Variants in JPH3 observed in about 807,000 individuals in gnomAD.
JPH3 encodes junctophilin-3.
JPH3 carries 11 observed loss-of-function variants against 59.6 expected under a neutral mutation model. The ratio of observed to expected loss-of-function variants is 0.18; its 90% CI spans 0.12 to 0.31. The LOEUF is 0.31. JPH3 is among the 10% of genes least tolerant of loss of function. The probability of loss-of-function intolerance (pLI) is 1.00; values close to 1 mark genes in which losing one functional copy is unlikely to be tolerated. For missense variants in JPH3, 1,202 were observed against 1,105.7 expected (o/e 1.09, Z -1.24); for synonymous variants, 673 against 483.6 (o/e 1.39, Z -5.14).
At chr16:87,628,498 C>G (rs775694632) in intron 1 of JPH3, among the ~76,000 whole-genome samples, 1 of 152,212 alleles carries the variant, frequency 6.6e-6, no homozygotes, top group African/African-American at 2.4e-5. Context: ...CTCTGTTGCC[C>G]GGTGACAGTA....
At chr16:87,663,395 A>G (rs1403095185) in intron 2 of JPH3, among the ~76,000 whole-genome samples, 1 of 151,990 alleles carries the variant, frequency 6.6e-6, no homozygotes, top group Non-Finnish European at 1.5e-5. Flanking sequence ...GGCATGTGCC[A>G]CTGTGCCTGG....
intron 2 of JPH3, among the ~76,000 whole-genome samples, chr16:87,657,603 A>C (rs2032547886): frequency 6.6e-6 from 1 of 150,880 alleles, no homozygotes; most frequent in Non-Finnish European, 1.5e-5. Context: ...AACGAGAAAA[A>C]CTCATTTCTC....
intron 1 of JPH3, among the ~76,000 whole-genome samples, chr16:87,636,705 A>C (rs1258860783): frequency 6.6e-6 from 1 of 152,206 alleles, no homozygotes; most frequent in Non-Finnish European, 1.5e-5. Flanking sequence ...TGTTCCCACC[A>C]GGGGCAAAAA....
chr16:87,609,786 C>T (rs559168102), intron 1 of JPH3, among the ~76,000 whole-genome samples: 1 of 152,130 alleles, frequency 6.6e-6, no homozygotes, highest in South Asian at 2.1e-4. Flanking sequence ...ACCAATGGTC[C>T]CCAACCTTTT....
intron 1 of JPH3, among the ~76,000 whole-genome samples, chr16:87,623,496 T>C (rs943418792): frequency 6.6e-6 from 1 of 152,228 alleles, no homozygotes; most frequent in African/African-American, 2.4e-5. Context: ...AGTACCACTG[T>C]GGGCTTGAGG....
chr16:87,603,435 G>C lies in JPH3; in HGVS notation c.289G>C (p.Val97Leu). 1 of 1,572,648 alleles carries C rather than the reference G, an allele frequency of 6.4e-7. No homozygotes were observed. The highest frequency in any genetic ancestry group is 8.6e-7 in the Non-Finnish European group (1 of 1,159,716). ...GCACGGATTCAAGGGGCGCTACGGG[G>C]TGCGGGAGTGCGCGGGCAACGGGGC... The part of the protein sequence containing the change: ...WTHGFKGRYG[V>L]RECAGNGAKY... Residue 97 changes from valine (V) to leucine (L), a missense_variant, in exon 1 of 5, where the codon GTG becomes CTG. Transcript: ENST00000284262.
Position 87,689,632 on chromosome 16 carries a change from G to T in JPH3, c.1286-14G>T. On this transcript the variant is annotated splice_polypyrimidine_tract_variant and intron_variant, in intron 3 of 4. Coordinates refer to ENST00000284262, the MANE Select transcript of JPH3 (RefSeq NM_020655.4). Reference sequence around the variant, plus strand: ...GGGTAACGCCGTCTGGCGTCGTCTTGTGTCCCCATACAGGGCTGGAGTACC... The same window carrying T: ...GGGTAACGCCGTCTGGCGTCGTCTTTTGTCCCCATACAGGGCTGGAGTACC... 1 of 1,610,336 alleles carries T rather than the reference G, an allele frequency of 6.2e-7. No homozygotes were observed. Among genetic ancestry groups the T allele is most frequent in the East Asian group, 2.2e-5 (1 of 44,708 alleles).
chr16:87,625,267 C>T (rs1487894727), intron 1 of JPH3, among the ~76,000 whole-genome samples: 1 of 152,158 alleles, frequency 6.6e-6, no homozygotes, highest in African/African-American at 2.4e-5. Flanking sequence ...AGTGGGGTGA[C>T]AGTGACAGCT....
At chr16:87,679,417 T>G (rs1483941987) in intron 2 of JPH3, among the ~76,000 whole-genome samples, 1 of 152,184 alleles carries the variant, frequency 6.6e-6, no homozygotes, top group African/African-American at 2.4e-5. Flanking sequence ...AAATGCACTT[T>G]CCAGGGAATG....
Position 87,697,031 on chromosome 16 carries a change from C to T in JPH3, c.*371C>T, listed in dbSNP as rs1161797821. On this transcript the variant is annotated 3_prime_UTR_variant, in exon 5 of 5. Transcript: ENST00000284262. ...GGTGTGGATGGAGGGCAGCCCGGGGCAGAGCCTCAGCCCCGCGGCCCCTGA... is the reference window on the plus strand; with the variant it reads ...GGTGTGGATGGAGGGCAGCCCGGGGTAGAGCCTCAGCCCCGCGGCCCCTGA... The T allele has an allele frequency of 3.4e-6, 1 of 295,250 alleles. No individual in the cohort carries two copies. Among genetic ancestry groups the T allele is most frequent in the Admixed American group, 4.4e-5 (1 of 22,656 alleles). 18.3% of individuals were successfully genotyped at this position (295,250 alleles called of 1,614,324 possible). A position where few individuals can be genotyped will look rare whatever the true frequency, so the allele number is the denominator to read the frequency against.
intron 1 of JPH3, among the ~76,000 whole-genome samples, chr16:87,630,019 C>T (rs1419752887): frequency 6.6e-6 from 1 of 152,186 alleles, no homozygotes; most frequent in East Asian, 1.9e-4. Flanking sequence ...ACCACATGAA[C>T]CCATGTGGAG....
chr16:87,652,618 T>C (rs1229362979), intron 2 of JPH3, among the ~76,000 whole-genome samples: 5 of 152,182 alleles, frequency 3.3e-5, no homozygotes, highest in Non-Finnish European at 7.3e-5. Flanking sequence ...TGCACGCAGC[T>C]GGGCTAGGAT....
chr16:87,688,690 G>A (rs745414335), intron 3 of JPH3, among the ~76,000 whole-genome samples: 7 of 152,152 alleles, frequency 4.6e-5, no homozygotes, highest in Non-Finnish European at 8.8e-5. Context: ...ATTTTGGCTC[G>A]GGCAGGACGG....
chr16:87,636,596 G>A (rs1313548901), intron 1 of JPH3, among the ~76,000 whole-genome samples: 1 of 152,216 alleles, frequency 6.6e-6, no homozygotes, highest in Admixed American at 6.5e-5. Context: ...GGGGTGATGA[G>A]GTCAGGCTAC....
At chr16:87,608,455 G>T (rs1429823932) in intron 1 of JPH3, among the ~76,000 whole-genome samples, 4 of 152,168 alleles carry the variant, frequency 2.6e-5, no homozygotes, top group Admixed American at 2.6e-4. Context: ...CGCTTCCCCC[G>T]CTGGTAGCTT....
In JPH3 at chr16:87,644,931, C is replaced by T. The variant is rs563154923; in HGVS notation, c.1056C>T (p.Ile352=). Residue 352 remains isoleucine, a synonymous_variant, in exon 2 of 5, where the codon ATC becomes ATT. Transcript: ENST00000284262. The part of the protein sequence containing the change: ...ILVGGKRKNL[I]PLRASKIREK... ...TCGGCGGCAAGCGCAAGAACCTCAT[C>T]CCCCTGCGGGCCAGCAAGATCCGCG... The T allele has an allele frequency of 5.0e-6, 8 of 1,612,552 alleles. No homozygotes were observed. The Admixed American group carries it at 8.3e-5, about 17-fold the overall frequency.
chr16:87,619,328 AAG>A (rs1491041488), intron 1 of JPH3, among the ~76,000 whole-genome samples: 1,603 of 150,650 alleles, frequency 0.011, 20 homozygotes, highest in Non-Finnish European at 0.016. Context: ...AAAAAAAAAA[AAG>A]AAGGATTATT....
At chr16:87,633,690 T>C (rs1567590378) in intron 1 of JPH3, among the ~76,000 whole-genome samples, 2 of 151,892 alleles carry the variant, frequency 1.3e-5, no homozygotes, top group Non-Finnish European at 2.9e-5. Flanking sequence ...TACCAGCTAC[T>C]CGGGAGTCTG....
At chr16:87,607,220 C>A (rs2030554239) in intron 1 of JPH3, among the ~76,000 whole-genome samples, 1 of 152,258 alleles carries the variant, frequency 6.6e-6, no homozygotes, top group Admixed American at 6.5e-5. Context: ...CATGCCGGTG[C>A]TGCACCGCAC....
Sources: gnomAD v4.1 joint callset for allele counts (sites outside exome capture counted in the v4.1 genomes callset) on GRCh38, gnomAD v4.1.1 for gene constraint, MANE v1.5 for transcripts, NCBI Gene and HGNC (gene_info 2026-07-23, HGNC 2026-07-21) for gene names.